Variants in MED13L observed in about 807,000 individuals in gnomAD.
The protein encoded by MED13L is mediator complex subunit 13L, also known as mediator of RNA polymerase II transcription subunit 13-like.
MED13L carries 7 observed loss-of-function variants against 220.9 expected under a neutral mutation model. That is an observed-to-expected ratio of 0.03 (90% CI 0.02 to 0.06). MED13L has a LOEUF of 0.06. Among genes scored for constraint, MED13L ranks in the 10% least tolerant of loss-of-function variants. The pLI, the probability that MED13L is intolerant of heterozygous loss-of-function variation, is 1.00. For synonymous variants in MED13L, 1,011 were observed against 1,015.2 expected (o/e 1.00, Z 0.08); for missense variants, 1,965 against 2,760.5 (o/e 0.71, Z 6.46).
intron 4 of MED13L, among the ~76,000 whole-genome samples, chr12:116,080,515 AAGGGTACT>A (rs1871158559): frequency 6.6e-6 from 1 of 152,148 alleles, no homozygotes; most frequent in Admixed American, 6.6e-5. Flanking sequence ...GCAAATTCAC[AAGGGTACT>A]ATAGGACATT....
chr12:116,264,250 A>C (rs1872686302), intron 1 of MED13L, among the ~76,000 whole-genome samples: 1 of 152,226 alleles, frequency 6.6e-6, no homozygotes, highest in African/African-American at 2.4e-5. Context: ...GGACAAAAAA[A>C]ATTATAAACA....
chr12:116,140,892 T>C (rs1020119497), intron 2 of MED13L, among the ~76,000 whole-genome samples: 5 of 152,234 alleles, frequency 3.3e-5, no homozygotes, highest in Non-Finnish European at 5.9e-5. Flanking sequence ...AATTTCTAAA[T>C]ACTCATCTGC....
rs1592965708 is a variant in MED13L, at chr12:116,031,195, A to G, written c.480-8594T>C. Among the ~76,000 whole-genome samples, 7 of 152,270 alleles carry G rather than the reference A, an allele frequency of 4.6e-5. 2 individuals are homozygous for G. The South Asian group carries it at 1.5e-3, about 32-fold the overall frequency. On this transcript the variant is annotated intron_variant, in intron 4 of 30. Coordinates refer to ENST00000281928, the MANE Select transcript of MED13L (RefSeq NM_015335.5). ...TAGAAGAATCCCTTTTAAAAAATGGAGCAAAACAAAGATAACTGCTTTTCT... is the reference window on the plus strand; with the variant it reads ...TAGAAGAATCCCTTTTAAAAAATGGGGCAAAACAAAGATAACTGCTTTTCT...
chr12:116,198,210 C>T (rs151130025), intron 2 of MED13L, among the ~76,000 whole-genome samples: 1 of 152,178 alleles, frequency 6.6e-6, no homozygotes, highest in African/African-American at 2.4e-5. Context: ...TCTTTTCCTC[C>T]TGCTTAGGTC....
intron 4 of MED13L, among the ~76,000 whole-genome samples, chr12:116,045,428 G>A (rs913267627): frequency 1.3e-5 from 2 of 152,112 alleles, no homozygotes; most frequent in African/African-American, 4.8e-5. Flanking sequence ...GCTAGCAGAG[G>A]CTGTACTCGG....
chr12:115,993,741 A>G (rs964815318), intron 16 of MED13L, among the ~76,000 whole-genome samples: 6 of 152,320 alleles, frequency 3.9e-5, no homozygotes, highest in African/African-American at 1.4e-4. Flanking sequence ...CTGAAAACCT[A>G]AAGAATTAAA....
intron 9 of MED13L, among the ~76,000 whole-genome samples, chr12:116,011,699 G>C (rs572869423): frequency 2.6e-5 from 4 of 152,174 alleles, no homozygotes; most frequent in Non-Finnish European, 5.9e-5. Flanking sequence ...TGCTCAGAGA[G>C]GGAACCCTTA....
chr12:116,145,371 G>A (rs979397803), intron 2 of MED13L, among the ~76,000 whole-genome samples: 1 of 152,202 alleles, frequency 6.6e-6, no homozygotes, highest in African/African-American at 2.4e-5. Flanking sequence ...GAGCCCAGGG[G>A]AGGCGGATGC....
intron 3 of MED13L, among the ~76,000 whole-genome samples, chr12:116,098,407 G>A (rs1158434095): frequency 6.6e-6 from 1 of 152,146 alleles, no homozygotes; most frequent in Non-Finnish European, 1.5e-5. Context: ...AACACTGAAT[G>A]TAATTCTTCT....
At chr12:116,169,784 G>A (rs772099105) in intron 2 of MED13L, among the ~76,000 whole-genome samples, 2 of 152,156 alleles carry the variant, frequency 1.3e-5, no homozygotes, top group Admixed American at 6.5e-5. Flanking sequence ...CAAGGCAGGA[G>A]GATCACTTAA....
intron 1 of MED13L, 127 bp downstream of exon 1, chr12:116,276,933 G>A: frequency 9.0e-7 from 1 of 1,105,228 alleles, no homozygotes; most frequent in Non-Finnish European, 1.3e-6. Flanking sequence ...GGCGAGAGGC[G>A]AACGGCGGGG....
intron 7 of MED13L, among the ~76,000 whole-genome samples, chr12:116,018,548 A>G (rs1879867060): frequency 6.6e-6 from 1 of 152,184 alleles, no homozygotes; most frequent in South Asian, 2.1e-4. Context: ...TTCCATACTG[A>G]CCACAGTTCT....
chr12:116,255,168 T>G (rs868030623), intron 1 of MED13L, among the ~76,000 whole-genome samples: 1 of 152,214 alleles, frequency 6.6e-6, no homozygotes, highest in Non-Finnish European at 1.5e-5. Context: ...CATCATAGTG[T>G]AGTACTGGCA....
At chr12:116,082,260 G>A (rs1871288313) in intron 4 of MED13L, among the ~76,000 whole-genome samples, 1 of 152,158 alleles carries the variant, frequency 6.6e-6, no homozygotes, top group South Asian at 2.1e-4. Flanking sequence ...AGTGACAAGT[G>A]CCTAAGAAGG....
Position 115,991,944 on chromosome 12 carries a change from C to T in MED13L, c.3010G>A (p.Val1004Ile). 1 of 1,599,532 alleles carries T rather than the reference C, an allele frequency of 6.3e-7. No homozygotes were observed. Among genetic ancestry groups the T allele is most frequent in the Non-Finnish European group, 8.5e-7 (1 of 1,179,868 alleles). ...IRDGYNNVPSVGSLADPDYLN... is the reference protein window; with the variant it reads ...IRDGYNNVPSIGSLADPDYLN... Reference sequence around the variant, plus strand: ...TAGTCTGGATCTGCTAGGCTCCCAACACTAGGCACGTTACTACAAAAAGAG... The same window carrying T: ...TAGTCTGGATCTGCTAGGCTCCCAATACTAGGCACGTTACTACAAAAAGAG... Residue 1004 changes from valine to isoleucine, a missense_variant, in exon 17 of 31, where the codon GTT (valine) becomes ATT (isoleucine). Around this residue, in one of 10 missense-constraint regions of MED13L, gnomAD observed 233 missense variants for 306.2 expected, o/e 0.76. Transcript: ENST00000281928. This position sits in a 1 kb window ranked among gnomAD's most constrained non-coding sequence, Gnocchi z 7.7.
intron 2 of MED13L, among the ~76,000 whole-genome samples, chr12:116,204,666 T>C (rs574892907): frequency 6.6e-6 from 1 of 152,358 alleles, no homozygotes; most frequent in East Asian, 1.9e-4. Context: ...CTCCATTATA[T>C]GTGTCCTCCT....
intron 2 of MED13L, among the ~76,000 whole-genome samples, chr12:116,152,116 T>A (rs745480126): frequency 2.0e-5 from 3 of 152,184 alleles, no homozygotes; most frequent in African/African-American, 7.2e-5. Flanking sequence ...TCATACAGGT[T>A]CTCTCTCCCC....
chr12:116,197,720 G>A (rs190791380), intron 2 of MED13L, among the ~76,000 whole-genome samples: 250 of 151,688 alleles, frequency 1.6e-3, no homozygotes, highest in Non-Finnish European at 2.9e-3. Context: ...AGCAGAGATT[G>A]TGCCATTGCA....
At chr12:116,239,722 CATG>C (rs1870440667) in intron 1 of MED13L, among the ~76,000 whole-genome samples, 1 of 152,210 alleles carries the variant, frequency 6.6e-6, no homozygotes, top group Non-Finnish European at 1.5e-5. Context: ...TATCAAGACT[CATG>C]ATGAGTGCTA....
Sources: gnomAD v4.1 joint callset for allele counts (sites outside exome capture counted in the v4.1 genomes callset) on GRCh38, gnomAD v4.1.1 for gene constraint, gnomAD v4.1.1 regional missense constraint, Gnocchi (gnomAD v3.1) non-coding constraint, MANE v1.5 for transcripts, NCBI Gene and HGNC (gene_info 2026-07-23, HGNC 2026-07-21) for gene names.